The following ADAM12 variants were observed in gnomAD, a reference collection of about 807,000 sequenced individuals.
The protein encoded by ADAM12 is disintegrin and metalloproteinase domain-containing protein 12.
ADAM12 carries 70 observed loss-of-function variants against 106.4 expected under a neutral mutation model. That is an observed-to-expected ratio of 0.66 (90% CI 0.54 to 0.80). The LOEUF (loss-of-function observed/expected upper bound fraction) is 0.80. Ranked by LOEUF, ADAM12 falls within the 30% of genes least tolerant of loss-of-function variation. The pLI is 0.00. For missense variants in ADAM12, 1,010 were observed against 1,171.9 expected (o/e 0.86, Z 2.02); for synonymous variants, 420 against 433.5 (o/e 0.97, Z 0.39).
intron 11 of ADAM12, among the ~76,000 whole-genome samples, chr10:126,074,874 C>T (rs1335138680): frequency 1.3e-5 from 2 of 152,178 alleles, no homozygotes; most frequent in Non-Finnish European, 2.9e-5. Context: ...CTCCTTTCCA[C>T]ATGGCCTGAG....
At chr10:126,337,713 C>G (rs553717104) in intron 1 of ADAM12, among the ~76,000 whole-genome samples, 1 of 152,168 alleles carries the variant, frequency 6.6e-6, no homozygotes, top group Non-Finnish European at 1.5e-5. Flanking sequence ...CAAGCTGACA[C>G]CTAATATTAA....
At chr10:126,019,960 G>C in intron 21 of ADAM12, 135 bp from the exon 22 acceptor site, 5 of 1,103,318 alleles carry the variant, frequency 4.5e-6, no homozygotes, top group Non-Finnish European at 5.0e-6. Flanking sequence ...GGTGGAGGCT[G>C]ACCTCTGTTA....
intron 3 of ADAM12, among the ~76,000 whole-genome samples, chr10:126,256,224 A>T (rs1164083628): frequency 6.6e-6 from 1 of 152,186 alleles, no homozygotes; most frequent in Non-Finnish European, 1.5e-5. Context: ...TACCAATCAC[A>T]TTGTATGAAT....
chr10:126,382,914 T>C (rs970275655), intron 1 of ADAM12, among the ~76,000 whole-genome samples: 5 of 152,182 alleles, frequency 3.3e-5, no homozygotes, highest in African/African-American at 1.2e-4. Context: ...AAGAAACCTC[T>C]TGGAAATTAA....
chr10:126,101,013 G>T, intron 9 of ADAM12, 59 bp downstream of exon 9: 1 of 1,584,924 alleles, frequency 6.3e-7, no homozygotes. Flanking sequence ...CAGGTGAAAC[G>T]AAGGGCTTCG....
At chr10:126,248,309 C>T (rs1958669495) in intron 3 of ADAM12, among the ~76,000 whole-genome samples, 2 of 152,160 alleles carry the variant, frequency 1.3e-5, no homozygotes, top group Admixed American at 6.5e-5. Flanking sequence ...GCAAGGCCCC[C>T]GCCCCTGATA....
chr10:126,239,790 T>A (rs1386637781), intron 3 of ADAM12, among the ~76,000 whole-genome samples: 1 of 152,246 alleles, frequency 6.6e-6, no homozygotes, highest in Non-Finnish European at 1.5e-5. Context: ...CAGAACTATC[T>A]GATTATGTAT....
chr10:126,258,672 C>T (rs1368552577), intron 3 of ADAM12, among the ~76,000 whole-genome samples: 1 of 152,142 alleles, frequency 6.6e-6, no homozygotes, highest in Non-Finnish European at 1.5e-5. Context: ...AGCCTCCATG[C>T]CACAAGCTCC....
chr10:126,330,532 C>G (rs1854475248), intron 1 of ADAM12, 23 bp from the exon 2 acceptor site: 2 of 1,591,370 alleles, frequency 1.3e-6, no homozygotes, highest in African/African-American at 2.7e-5. Flanking sequence ...GAAAACAGCC[C>G]TATATTTCAC....
chr10:126,217,927 A>G (rs1958017869), intron 3 of ADAM12, among the ~76,000 whole-genome samples: 2 of 151,452 alleles, frequency 1.3e-5, no homozygotes, highest in Admixed American at 1.3e-4. Context: ...GTGAGCCAAG[A>G]TCACGTCACT....
At chr10:126,203,955 T>C (rs912457028) in intron 3 of ADAM12, among the ~76,000 whole-genome samples, 5 of 152,168 alleles carry the variant, frequency 3.3e-5, no homozygotes, top group African/African-American at 1.2e-4. Context: ...TGTGTGTGTG[T>C]GTGTGTGAAC....
At chr10:126,273,468 G>A (rs918718002) in intron 3 of ADAM12, 1 of 152,140 alleles carries the variant, frequency 6.6e-6, no homozygotes, top group Non-Finnish European at 1.5e-5. Context: ...AAAGATGGTG[G>A]GTGGGGAGGG....
At chr10:126,139,712 G>A (rs1011885887) in intron 4 of ADAM12, among the ~76,000 whole-genome samples, 1 of 152,148 alleles carries the variant, frequency 6.6e-6, no homozygotes, top group East Asian at 1.9e-4. Context: ...AGATGCAGGA[G>A]TGTAGCTCTC....
intron 5 of ADAM12, among the ~76,000 whole-genome samples, chr10:126,127,061 C>G (rs73378697): frequency 0.036 from 5,523 of 152,242 alleles, 327 homozygotes; most frequent in African/African-American, 0.12. Context: ...GTGGCATGCA[C>G]GTCAAAGCTT....
At chr10:126,061,514 A>T (rs183383657) in intron 14 of ADAM12, among the ~76,000 whole-genome samples, 41 of 152,318 alleles carry the variant, frequency 2.7e-4, no homozygotes, top group Admixed American at 2.0e-3. Context: ...GACTTTGAAG[A>T]TGTGATTACT....
At chr10:126,359,961 C>A (rs909638318) in intron 1 of ADAM12, among the ~76,000 whole-genome samples, 17 of 152,214 alleles carry the variant, frequency 1.1e-4, no homozygotes, top group Non-Finnish European at 2.9e-5. Flanking sequence ...TGGAGGTTCC[C>A]AAACCCCAAT....
At position 126,042,199 on chromosome 10, in the gene ADAM12, C is replaced by T. The variant is rs771984965; in HGVS notation, c.2104+841G>A. On this transcript the variant is annotated intron_variant, in intron 18 of 22. Transcript: ENST00000448723. Reference sequence around the variant, plus strand: ...TCCCACGGGCTCCTGGCCCTGGCCGCGCTCCCTGTTGGACTCTGCAGCTTC... The same window carrying T: ...TCCCACGGGCTCCTGGCCCTGGCCGTGCTCCCTGTTGGACTCTGCAGCTTC... 4.0e-5 allele frequency: 65 copies of T among 1,613,720 alleles called. No homozygotes were observed. In the Middle Eastern group the frequency reaches 4.9e-4, roughly 12 times the overall value.
rs1437719693 is a variant in ADAM12 at position 126,012,615 on chromosome 10, T to C, written c.*4664A>G. ...TTTACGTAACTGTATCTTTAATCTG[T>C]ACTGTGCTAAACAGCCTATAGCCAA... On this transcript the variant is annotated 3_prime_UTR_variant, in exon 23 of 23. Coordinates refer to ENST00000448723, the MANE Select transcript of ADAM12 (RefSeq NM_001288973.2). 1 of 152,230 alleles carries C rather than the reference T, an allele frequency of 6.6e-6. No homozygotes were observed. The highest frequency in any genetic ancestry group is 1.5e-5 in the Non-Finnish European group (1 of 68,050). 9.4% of individuals were successfully genotyped at this position (152,230 alleles called of 1,614,324 possible).
intron 3 of ADAM12, among the ~76,000 whole-genome samples, chr10:126,182,617 T>C (rs3931184): frequency 0.53 from 81,202 of 151,990 alleles, 23,267 homozygotes; most frequent in African/African-American, 0.75. Context: ...AGAGAGCCTG[T>C]GCCAGGATGT....
Sources: allele counts gnomAD v4.1 joint callset (sites outside exome capture counted in the v4.1 genomes callset), GRCh38; gene constraint gnomAD v4.1.1; transcripts MANE v1.5; gene names NCBI Gene and HGNC (gene_info 2026-07-23, HGNC 2026-07-21).